Variants in FAM78B observed in about 807,000 individuals in gnomAD.
FAM78B encodes the protein family with sequence similarity 78 member B.
A neutral mutation model predicts 20.0 loss-of-function variants in FAM78B; 10 were observed. The ratio of observed to expected loss-of-function variants is 0.50; its 90% CI spans 0.31 to 0.85. FAM78B has a LOEUF of 0.85. Ranked by LOEUF, FAM78B falls within the 40% of genes least tolerant of loss-of-function variation. The probability of loss-of-function intolerance (pLI) is 0.05; values close to 1 mark genes in which losing one functional copy is unlikely to be tolerated. For missense variants in FAM78B, 283 were observed against 345.0 expected (o/e 0.82, Z 1.42); for synonymous variants, 135 against 132.8 (o/e 1.02, Z -0.12).
Position 166,120,083 on chromosome 1 carries a change from T to C in FAM78B, c.263+45903A>G, listed in dbSNP as rs569429605. Among the ~76,000 whole-genome samples, 46 of 152,302 alleles carry C rather than the reference T, an allele frequency of 3.0e-4. No homozygotes were observed. In the South Asian group the frequency reaches 7.9e-3, roughly 26 times the overall value. Reference sequence around the variant, plus strand: ...AAACCAGCAAGGATTATGTGAGGCATTGGGTGGGCTGCCGAGAATCAAAGA... The same window carrying C: ...AAACCAGCAAGGATTATGTGAGGCACTGGGTGGGCTGCCGAGAATCAAAGA... On this transcript the variant is annotated intron_variant, in intron 1 of 1. Coordinates refer to ENST00000354422, the MANE Select transcript of FAM78B (RefSeq NM_001017961.5).
chr1:166,149,539 C>G (rs1483307236), intron 1 of FAM78B, among the ~76,000 whole-genome samples: 2 of 152,192 alleles, frequency 1.3e-5, no homozygotes, highest in Non-Finnish European at 2.9e-5. Context: ...GTGGCCACCT[C>G]CTAACCACGT....
At chr1:166,129,888 T>C (rs1265715236) in intron 1 of FAM78B, among the ~76,000 whole-genome samples, 2 of 152,220 alleles carry the variant, frequency 1.3e-5, no homozygotes, top group South Asian at 2.1e-4. Context: ...ACTGCTAAAT[T>C]AGGGACAATG....
chr1:166,154,152 A>G (rs1017806991), intron 1 of FAM78B, among the ~76,000 whole-genome samples: 9 of 152,126 alleles, frequency 5.9e-5, no homozygotes, highest in African/African-American at 2.2e-4. Flanking sequence ...GCCCCCTCAC[A>G]ATCTGTCATC....
At chr1:166,077,335 TA>T (rs1652313788) in intron 1 of FAM78B, among the ~76,000 whole-genome samples, 1 of 152,136 alleles carries the variant, frequency 6.6e-6, no homozygotes, top group South Asian at 2.1e-4. Context: ...TTTCCTCATC[TA>T]AGAAATAAGG....
chr1:166,153,419 A>C (rs1488262192), intron 1 of FAM78B, among the ~76,000 whole-genome samples: 1 of 152,254 alleles, frequency 6.6e-6, no homozygotes, highest in Admixed American at 6.5e-5. Flanking sequence ...AAGATGAACA[A>C]GTAGTTCAAA....
chr1:166,121,252 T>A (rs1032277152), intron 1 of FAM78B, among the ~76,000 whole-genome samples: 1 of 152,142 alleles, frequency 6.6e-6, no homozygotes, highest in Non-Finnish European at 1.5e-5. Flanking sequence ...TCCTGGGGAC[T>A]TCAGCATCCC....
intron 1 of FAM78B, among the ~76,000 whole-genome samples, chr1:166,123,805 A>G (rs74118977): frequency 3.6e-4 from 55 of 152,292 alleles, no homozygotes; most frequent in African/African-American, 1.3e-3. Context: ...GCAACACGCC[A>G]TGAGGGGCAA....
At chr1:166,123,859 CATT>C (rs1654547881) in intron 1 of FAM78B, among the ~76,000 whole-genome samples, 1 of 152,182 alleles carries the variant, frequency 6.6e-6, no homozygotes, top group Non-Finnish European at 1.5e-5. Context: ...CCTGGGCAAA[CATT>C]ATGATCGGCC....
intron 1 of FAM78B, among the ~76,000 whole-genome samples, chr1:166,077,672 ATTATATAT>A (rs1394244613): frequency 1.4e-5 from 2 of 140,792 alleles, no homozygotes; most frequent in African/African-American, 5.3e-5. Context: ...AATACATATA[ATTATATAT>A]TTATATATAA....
intron 1 of FAM78B, among the ~76,000 whole-genome samples, chr1:166,155,251 C>A (rs1655847685): frequency 6.6e-6 from 1 of 152,216 alleles, no homozygotes; most frequent in South Asian, 2.1e-4. Context: ...TTCATTCATT[C>A]AACCCTTATG....
At chr1:166,064,765 A>G (rs572361873), downstream of FAM78B, among the ~76,000 whole-genome samples, 3 of 152,224 alleles carry the variant, frequency 2.0e-5, no homozygotes, top group Non-Finnish European at 4.4e-5. Flanking sequence ...AATATCTTAC[A>G]TGAGGCAGCA....
At chr1:166,098,845 G>A (rs1008249365) in intron 1 of FAM78B, among the ~76,000 whole-genome samples, 5 of 152,116 alleles carry the variant, frequency 3.3e-5, no homozygotes, top group Non-Finnish European at 7.4e-5. Flanking sequence ...AAACTTCCCT[G>A]GTTTTGCTAG....
downstream of FAM78B, among the ~76,000 whole-genome samples, chr1:166,068,528 A>G (rs1342118893): frequency 1.3e-5 from 2 of 152,240 alleles, no homozygotes; most frequent in Non-Finnish European, 2.9e-5. Context: ...AGTAAGTACC[A>G]TCCCCTGGGA....
chr1:166,104,105 CAT>C (rs1449994064), intron 1 of FAM78B, among the ~76,000 whole-genome samples: 1 of 152,200 alleles, frequency 6.6e-6, no homozygotes, highest in Non-Finnish European at 1.5e-5. Flanking sequence ...ACAAAAACCA[CAT>C]GATTATCTCA....
chr1:166,105,178 T>G (rs1395427942), intron 1 of FAM78B, among the ~76,000 whole-genome samples: 1 of 152,148 alleles, frequency 6.6e-6, no homozygotes, highest in Non-Finnish European at 1.5e-5. Flanking sequence ...CTGGATCCCT[T>G]CCTTACACCT....
chr1:166,128,875 TTTGA>T (rs1375004927), intron 1 of FAM78B, among the ~76,000 whole-genome samples: 1 of 152,200 alleles, frequency 6.6e-6, no homozygotes, highest in Non-Finnish European at 1.5e-5. Flanking sequence ...GAGCCATTAC[TTTGA>T]TTGTCCCTTC....
downstream of FAM78B, among the ~76,000 whole-genome samples, chr1:166,056,986 G>A (rs992333528): frequency 5.3e-5 from 8 of 152,210 alleles, no homozygotes; most frequent in African/African-American, 1.9e-4. Flanking sequence ...CACCACGTGA[G>A]GGCACAGCTG....
chr1:166,137,219 A>G (rs1194369521), intron 1 of FAM78B, among the ~76,000 whole-genome samples: 1 of 152,226 alleles, frequency 6.6e-6, no homozygotes, highest in Non-Finnish European at 1.5e-5. Flanking sequence ...CCTGATTTTC[A>G]GCAGTGGTTG....
At chr1:166,073,651 G>A (rs1400453699) in intron 1 of FAM78B, among the ~76,000 whole-genome samples, 1 of 151,524 alleles carries the variant, frequency 6.6e-6, no homozygotes, top group Non-Finnish European at 1.5e-5. Flanking sequence ...AAAGTTCCAA[G>A]AACAGTAGCA....
Sources: gnomAD v4.1 joint callset for allele counts (sites outside exome capture counted in the v4.1 genomes callset) on GRCh38, gnomAD v4.1.1 for gene constraint, MANE v1.5 for transcripts, NCBI Gene and HGNC (gene_info 2026-07-23, HGNC 2026-07-21) for gene names.